The following ELAPOR2 variants were observed in gnomAD, a reference collection of about 807,000 sequenced individuals.
ELAPOR2 encodes endosome/lysosome-associated apoptosis and autophagy regulator family member 2.
A neutral mutation model predicts 120.7 loss-of-function variants in ELAPOR2; 89 were observed. The ratio of observed to expected loss-of-function variants is 0.74; its 90% CI spans 0.62 to 0.88. The LOEUF is 0.88. Among genes scored for constraint, ELAPOR2 ranks in the 40% least tolerant of loss-of-function variants. The pLI, the probability that ELAPOR2 is intolerant of heterozygous loss-of-function variation, is 0.00. For synonymous variants in ELAPOR2, 444 were observed against 444.9 expected (o/e 1.00, Z 0.03); for missense variants, 1,134 against 1,251.6 (o/e 0.91, Z 1.42).
chr7:86,947,918 G>A lies in ELAPOR2; in HGVS notation c.315C>T (p.Phe105=). The change falls in exon 3 of 22, where the codon TTC becomes TTT. Residue 105 remains phenylalanine (F), a synonymous_variant. Transcript: ENST00000450689. ...PDPVRGKECT[F]SCASGEYLEM... is the part of the protein sequence containing the mutation. ...CTAGATACTCTCCAGAAGCACAGGA[G>A]AAAGCTGGAAGGCAGAAGAATGGAC... The A allele has an allele frequency of 3.2e-6, 5 of 1,549,700 alleles. No homozygotes were observed. In the South Asian group the frequency reaches 6.0e-5, roughly 18 times the overall value.
chr7:86,937,875 C>T (rs1372104498), intron 8 of ELAPOR2, among the ~76,000 whole-genome samples: 2 of 151,916 alleles, frequency 1.3e-5, no homozygotes, highest in Admixed American at 6.6e-5. Flanking sequence ...AAAGTAGGTG[C>T]CAATATCATC....
intron 2 of ELAPOR2, among the ~76,000 whole-genome samples, chr7:86,962,380 T>C (rs1791749551): frequency 6.6e-6 from 1 of 152,232 alleles, no homozygotes; most frequent in Non-Finnish European, 1.5e-5. Flanking sequence ...ATCTGTGAAA[T>C]CATGTTCCAC....
chr7:87,034,804 C>T (rs1254233052), intron 1 of ELAPOR2, among the ~76,000 whole-genome samples: 3 of 152,192 alleles, frequency 2.0e-5, no homozygotes, highest in Non-Finnish European at 4.4e-5. Flanking sequence ...TGTGTGTGGC[C>T]AGGCGCAGTG....
chr7:86,953,454 CT>C (rs1010097044), intron 2 of ELAPOR2, among the ~76,000 whole-genome samples: 5 of 152,156 alleles, frequency 3.3e-5, no homozygotes, highest in African/African-American at 1.2e-4. Flanking sequence ...CCTGCTTTTC[CT>C]TTTATCTTCC....
At chr7:86,901,654 C>T (rs1490145249) in intron 18 of ELAPOR2, among the ~76,000 whole-genome samples, 1 of 152,192 alleles carries the variant, frequency 6.6e-6, no homozygotes, top group East Asian at 1.9e-4. Context: ...AAGGGAAAGG[C>T]CACAGTTTTG....
At position 86,970,225 on chromosome 7, in the gene ELAPOR2, TAGTAC is replaced by T. The variant is rs556814284; in HGVS notation, c.190-5206_190-5202del. Among the ~76,000 whole-genome samples the T allele has an allele frequency of 1.6e-4, 24 of 152,258 alleles. No homozygotes were observed. The South Asian group carries it at 5.0e-3, about 32-fold the overall frequency. On this transcript the variant is annotated intron_variant, in intron 1 of 21. Transcript: ENST00000450689. The stretch of plus-strand genomic sequence containing the variant: ...AGATACAGCAGATGACCACAAATTC[TAGTAC>T]AGAATCAAAAGCAGCAGAGGCAGTA...
intron 21 of ELAPOR2, among the ~76,000 whole-genome samples, chr7:86,889,691 T>C (rs1322970915): frequency 6.6e-6 from 1 of 152,036 alleles, no homozygotes; most frequent in Non-Finnish European, 1.5e-5. Context: ...CAGTTGACGG[T>C]GGGTAACTAA....
intron 8 of ELAPOR2, among the ~76,000 whole-genome samples, chr7:86,936,757 C>T (rs892921299): frequency 6.6e-6 from 1 of 151,986 alleles, no homozygotes; most frequent in Admixed American, 6.6e-5. Flanking sequence ...GTCTTGCATC[C>T]ATTAGGCCCA....
intron 8 of ELAPOR2, among the ~76,000 whole-genome samples, chr7:86,928,717 G>A (rs1338318038): frequency 6.6e-6 from 1 of 151,950 alleles, no homozygotes; most frequent in African/African-American, 2.4e-5. Context: ...AATATATTGT[G>A]AGAAGTCAGC....
At chr7:86,918,323 C>CAAAA (rs370415220) in intron 12 of ELAPOR2, 119 bp downstream of exon 12, 138 of 173,862 alleles carry the variant, frequency 7.9e-4, no homozygotes, top group Admixed American at 1.5e-3. Flanking sequence ...CTAAGAATAG[C>CAAAA]AAAAAAAAAA....
chr7:86,945,147 AG>A, intron 3 of ELAPOR2, 101 bp from the exon 4 acceptor site: 1 of 1,068,916 alleles, frequency 9.4e-7, no homozygotes, highest in Non-Finnish European at 1.3e-6. Context: ...CCATCAGCAA[AG>A]TACAGCAGAA....
chr7:86,984,899 T>C (rs1171335769), intron 1 of ELAPOR2, among the ~76,000 whole-genome samples: 3 of 152,116 alleles, frequency 2.0e-5, no homozygotes, highest in Admixed American at 6.5e-5. Context: ...ATCCTGGAGC[T>C]GGTTTTTTGA....
intron 1 of ELAPOR2, among the ~76,000 whole-genome samples, chr7:86,985,802 T>A (rs968306614): frequency 2.0e-5 from 3 of 152,096 alleles, no homozygotes; most frequent in Non-Finnish European, 4.4e-5. Context: ...TATCTCCTAA[T>A]GCTATCCCTC....
chr7:87,034,391 G>A (rs1794515939), intron 1 of ELAPOR2, among the ~76,000 whole-genome samples: 1 of 151,788 alleles, frequency 6.6e-6, no homozygotes, highest in Admixed American at 6.6e-5. Context: ...AAAGTGGCAT[G>A]CTTATTTAGT....
chr7:86,972,075 A>G (rs898718937), intron 1 of ELAPOR2, among the ~76,000 whole-genome samples: 1 of 152,152 alleles, frequency 6.6e-6, no homozygotes, highest in Non-Finnish European at 1.5e-5. Flanking sequence ...GCTTTCTACA[A>G]TCAAGCCAAA....
chr7:86,938,979 C>CA lies in ELAPOR2; in HGVS notation c.848-20dup, dbSNP rs751541367. The CA allele has an allele frequency of 3.1e-6, 5 of 1,612,160 alleles. No homozygotes were observed. The highest frequency in any genetic ancestry group is 2.5e-6 in the Non-Finnish European group (3 of 1,178,980). ...GCCACCCCTGTGCAGTAATGAAAAA[C>CA]AGAGCATGGGAGGGGGACCCAATAC... On this transcript the variant is annotated intron_variant, in intron 6 of 21. Transcript: ENST00000450689.
intron 4 of ELAPOR2, among the ~76,000 whole-genome samples, chr7:86,943,429 CTT>C (rs933783877): frequency 8.5e-5 from 13 of 152,112 alleles, no homozygotes; most frequent in Non-Finnish European, 1.6e-4. Flanking sequence ...TCTACAAACA[CTT>C]TCTTTCCATT....
intron 1 of ELAPOR2, among the ~76,000 whole-genome samples, chr7:87,012,547 T>C (rs1034744045): frequency 6.6e-6 from 1 of 152,232 alleles, no homozygotes; most frequent in African/African-American, 2.4e-5. Context: ...GGGATCATTT[T>C]TGCATTTAGG....
intron 1 of ELAPOR2, among the ~76,000 whole-genome samples, chr7:87,013,867 C>T (rs1198149985): frequency 6.6e-6 from 1 of 152,072 alleles, no homozygotes; most frequent in African/African-American, 2.4e-5. Context: ...TCAGTAATTT[C>T]CTAGTTATGT....
Sources: allele counts gnomAD v4.1 joint callset (sites outside exome capture counted in the v4.1 genomes callset), GRCh38; gene constraint gnomAD v4.1.1; transcripts MANE v1.5; gene names NCBI Gene and HGNC (gene_info 2026-07-23, HGNC 2026-07-21).